Variants in CLEC6A observed in about 807,000 individuals in gnomAD.
CLEC6A encodes the protein C-type lectin domain family 6 member A.
A neutral mutation model predicts 25.7 loss-of-function variants in CLEC6A; 22 were observed. The ratio of observed to expected loss-of-function variants is 0.85; its 90% CI spans 0.61 to 1.22. CLEC6A has a LOEUF of 1.22. Among genes scored for constraint, CLEC6A ranks in the 50% most tolerant of loss-of-function variants. The pLI is 0.00. For missense variants in CLEC6A, 240 were observed against 236.8 expected (o/e 1.01, Z -0.09); for synonymous variants, 92 against 76.7 (o/e 1.20, Z -1.04).
Position 8,477,655 on chromosome 12 carries a change from T to C in CLEC6A, c.*191T>C, listed in dbSNP as rs901328516. On this transcript the variant is annotated 3_prime_UTR_variant, in exon 6 of 6. Transcript: ENST00000382073. The stretch of plus-strand genomic sequence containing the variant: ...CAATCTTCTCGTTTCCTCTTTTCCA[T>C]TAATGATAGAATGCACCCTTCCTCT... 9 of 441,578 alleles carry C rather than the reference T, an allele frequency of 2.0e-5. No homozygotes were observed. The highest frequency in any genetic ancestry group is 3.2e-5 in the Non-Finnish European group (8 of 251,684). 27.4% of individuals were successfully genotyped at this position (441,578 alleles called of 1,614,324 possible). A position where few individuals can be genotyped will look rare whatever the true frequency, so the allele number is the denominator to read the frequency against.
At chr12:8,456,883 G>A (rs1939683127) in intron 1 of CLEC6A, among the ~76,000 whole-genome samples, 1 of 152,158 alleles carries the variant, frequency 6.6e-6, no homozygotes, top group African/African-American at 2.4e-5. Context: ...GCTGAGGTGG[G>A]TGGATCACTT....
intron 4 of CLEC6A, among the ~76,000 whole-genome samples, chr12:8,475,332 A>C (rs1014583013): frequency 1.2e-5 from 1 of 83,402 alleles, no homozygotes; most frequent in African/African-American, 4.0e-5. Flanking sequence ...CTCTCTATAT[A>C]TATATATATG....
At chr12:8,466,327 G>GA (rs1402031533) in intron 4 of CLEC6A, among the ~76,000 whole-genome samples, 2 of 152,156 alleles carry the variant, frequency 1.3e-5, no homozygotes, top group Non-Finnish European at 2.9e-5. Context: ...CAGCTATTGT[G>GA]AATAATTGTG....
intron 4 of CLEC6A, among the ~76,000 whole-genome samples, chr12:8,472,782 T>C (rs1939923521): frequency 6.6e-6 from 1 of 152,162 alleles, no homozygotes; most frequent in Non-Finnish European, 1.5e-5. Context: ...ATTTAGAAAG[T>C]ACATGTTCAT....
At chr12:8,461,148 C>T (rs1169234033) in intron 3 of CLEC6A, 5 of 1,462,408 alleles carry the variant, frequency 3.4e-6, no homozygotes, top group Non-Finnish European at 4.7e-6. Context: ...TTGGAAAGGG[C>T]CATAAGTTCC....
intron 3 of CLEC6A, chr12:8,460,999 A>T: frequency 7.3e-7 from 1 of 1,366,646 alleles, no homozygotes; most frequent in Non-Finnish European, 1.0e-6. Context: ...TTCCACATAA[A>T]AATTTTTGGG....
At chr12:8,462,909 A>C (rs975106971) in intron 3 of CLEC6A, among the ~76,000 whole-genome samples, 1 of 152,180 alleles carries the variant, frequency 6.6e-6, no homozygotes, top group Non-Finnish European at 1.5e-5. Flanking sequence ...ATAATTTGAC[A>C]TCAGATTTTT....
intron 3 of CLEC6A, chr12:8,460,812 T>C: frequency 8.3e-7 from 1 of 1,202,470 alleles, no homozygotes; most frequent in South Asian, 1.2e-5. Context: ...ATAGGATTCG[T>C]GTTAGCCCTG....
In CLEC6A at chr12:8,460,945, T is replaced by A. The variant is rs768547738; in HGVS notation, c.223+1247T>A. The A allele has an allele frequency of 1.4e-5, 13 of 899,448 alleles. 1 individual carries two copies. The highest frequency in any genetic ancestry group is 1.4e-4 in the South Asian group (11 of 77,112). 55.7% of individuals were successfully genotyped at this position (899,448 alleles called of 1,614,324 possible). A position where few individuals can be genotyped will look rare whatever the true frequency, so the allele number is the denominator to read the frequency against. On this transcript the variant is annotated intron_variant, in intron 3 of 5. Transcript: ENST00000382073. ...TGCAGAGGAGCGAGCTGGATGCCAC[T>A]GTGGGGCTCTAAGAGTCCCAAATTC... is the stretch of plus-strand genomic sequence containing the variant.
At chr12:8,474,012 T>C (rs895604415) in intron 4 of CLEC6A, among the ~76,000 whole-genome samples, 1 of 152,076 alleles carries the variant, frequency 6.6e-6, no homozygotes, top group African/African-American at 2.4e-5. Flanking sequence ...ATATTTCTCA[T>C]ATTTTGTAGG....
intron 3 of CLEC6A, 91 bp downstream of exon 3, chr12:8,459,789 G>T (rs1038408254): frequency 2.5e-5 from 20 of 807,042 alleles, no homozygotes; most frequent in South Asian, 4.2e-5. Flanking sequence ...TTGTGCATTT[G>T]TGTGTGTATG....
At chr12:8,466,987 A>G (rs948330218) in intron 4 of CLEC6A, among the ~76,000 whole-genome samples, 2 of 152,130 alleles carry the variant, frequency 1.3e-5, no homozygotes, top group African/African-American at 2.4e-5. Context: ...CAATGTGTAT[A>G]TCTTCTTTGG....
chr12:8,465,764 C>A (rs1306519878), intron 4 of CLEC6A, 135 bp downstream of exon 4: 3 of 664,800 alleles, frequency 4.5e-6, no homozygotes, highest in Admixed American at 3.8e-5. Context: ...ATCTCTAGAA[C>A]TTTTTCATCT....
chr12:8,472,815 A>T (rs2136365573), intron 4 of CLEC6A, among the ~76,000 whole-genome samples: 1 of 152,260 alleles, frequency 6.6e-6, no homozygotes, highest in African/African-American at 2.4e-5. Flanking sequence ...GGTATATTGC[A>T]CAATGCTGAG....
chr12:8,476,094 G>GT, intron 4 of CLEC6A, 31 bp from the exon 5 acceptor site: 1 of 1,417,642 alleles, frequency 7.1e-7, no homozygotes, highest in Admixed American at 1.8e-5. Context: ...AAATACCAAA[G>GT]TCTTTGACTC....
chr12:8,469,115 A>G (rs886875808), intron 4 of CLEC6A, among the ~76,000 whole-genome samples: 1 of 152,228 alleles, frequency 6.6e-6, no homozygotes, highest in African/African-American at 2.4e-5. Flanking sequence ...TAATGTACAC[A>G]AATCAGTAGC....
intron 1 of CLEC6A, among the ~76,000 whole-genome samples, chr12:8,457,296 C>T (rs926451779): frequency 6.6e-6 from 1 of 152,166 alleles, no homozygotes; most frequent in African/African-American, 2.4e-5. Flanking sequence ...ATTTTTTTAA[C>T]TCCCACATAT....
intron 4 of CLEC6A, among the ~76,000 whole-genome samples, chr12:8,475,923 G>T (rs1382005410): frequency 6.6e-6 from 1 of 152,120 alleles, no homozygotes; most frequent in Non-Finnish European, 1.5e-5. Flanking sequence ...TCTGAGACAA[G>T]AATTCCTGTA....
At chr12:8,474,399 T>C (rs888723533) in intron 4 of CLEC6A, among the ~76,000 whole-genome samples, 1 of 152,212 alleles carries the variant, frequency 6.6e-6, no homozygotes, top group Non-Finnish European at 1.5e-5. Flanking sequence ...GCTTGATTTC[T>C]AGATTCTCTA....
Sources: gnomAD v4.1 joint callset for allele counts (sites outside exome capture counted in the v4.1 genomes callset) on GRCh38, gnomAD v4.1.1 for gene constraint, MANE v1.5 for transcripts, NCBI Gene and HGNC (gene_info 2026-07-23, HGNC 2026-07-21) for gene names.